OR51B5: variants seen among roughly 807,000 people sequenced by gnomAD.
OR51B5 encodes olfactory receptor family 51 subfamily B member 5, also known as olfactory receptor 51B5.
For missense variants in OR51B5, 456 were observed against 374.6 expected, an observed-to-expected ratio of 1.22 and a Z score of -1.79; for synonymous variants, 186 against 144.8, an observed-to-expected ratio of 1.28 and a Z score of -2.04.
chr11:5,423,094 C>T, intron 1 of OR51B5: 1 of 1,612,440 alleles, frequency 6.2e-7, no homozygotes, highest in Non-Finnish European at 8.5e-7. Flanking sequence ...GTGTAAAGAA[C>T]AAGCAGATCC....
chr11:5,390,070 G>A lies in OR51B5; in HGVS notation n.85-43160C>T, dbSNP rs772100766. 1.9e-6 allele frequency: 3 copies of A among 1,613,700 alleles called. No individual in the cohort carries two copies. The South Asian group carries it at 3.3e-5, about 18-fold the overall frequency. ...TTTTCACTGTGATGCTGGACCTGGTGCTCATCGCACTGTCCTATGGACTCA... is the reference window on the plus strand; with the variant it reads ...TTTTCACTGTGATGCTGGACCTGGTACTCATCGCACTGTCCTATGGACTCA... On this transcript the variant is annotated intron_variant and non_coding_transcript_variant, in intron 1 of 4. Coordinates refer to the OR51B5 transcript ENST00000415970.
intron 1 of OR51B5, among the ~76,000 whole-genome samples, chr11:5,485,976 C>T (rs1165957749): frequency 6.6e-6 from 1 of 151,936 alleles, no homozygotes; most frequent in African/African-American, 2.4e-5. Context: ...GGCTGTTGAC[C>T]TTTTAACAAG....
downstream of OR51B5, among the ~76,000 whole-genome samples, chr11:5,341,666 A>G (rs1848895396): frequency 6.6e-6 from 1 of 152,204 alleles, no homozygotes; most frequent in Admixed American, 6.5e-5. Context: ...ATCAGAATGT[A>G]TGTACAGAAA....
At position 5,501,814 on chromosome 11, in the gene OR51B5, C is replaced by T. The variant is rs542861956; in HGVS notation, n.84+3755G>A. 2.6e-4 allele frequency among the ~76,000 whole-genome samples: 38 copies of T among 148,188 alleles called. 3 individuals carry two copies. Among genetic ancestry groups the T allele is most frequent in the African/African-American group, 9.2e-4 (38 of 41,304 alleles). ...TAAGTTCTAGGGTACATGTGCACAA[C>T]GTGCAGGTTTGTTACATAGGTATAC... On this transcript the variant is annotated intron_variant and non_coding_transcript_variant, in intron 1 of 4. Transcript: ENST00000415970.
At chr11:5,399,006 G>C (rs961897589) in intron 1 of OR51B5, among the ~76,000 whole-genome samples, 2 of 152,168 alleles carry the variant, frequency 1.3e-5, no homozygotes, top group African/African-American at 4.8e-5. Flanking sequence ...ACAGTGTGAA[G>C]CCCTTAGCAT....
At chr11:5,505,369 T>G in intron 1 of OR51B5, 1 of 1,303,944 alleles carries the variant, frequency 7.7e-7, no homozygotes, top group South Asian at 1.2e-5. Flanking sequence ...CGGAAGAAAA[T>G]GGAGAGGCAA....
intron 1 of OR51B5, among the ~76,000 whole-genome samples, chr11:5,385,890 A>G (rs1319685049): frequency 1.3e-5 from 2 of 149,270 alleles, no homozygotes. Flanking sequence ...CTATACACTT[A>G]TATGTTATTT....
At chr11:5,446,353 G>T (rs1027939292) in intron 1 of OR51B5, among the ~76,000 whole-genome samples, 1 of 152,048 alleles carries the variant, frequency 6.6e-6, no homozygotes, top group South Asian at 2.1e-4. Flanking sequence ...TAGAATTTAG[G>T]TCATAAGTAT....
intron 1 of OR51B5, chr11:5,489,195 C>T: frequency 6.8e-7 from 1 of 1,468,584 alleles, no homozygotes; most frequent in South Asian, 1.5e-5. Flanking sequence ...CCCCCTTCAT[C>T]TTCTTGCTGA....
rs1849758032 is a variant in OR51B5, at chr11:5,389,575, CATT to C, written n.85-42668_85-42666del. The C allele has an allele frequency of 2.5e-6, 4 of 1,613,838 alleles. No individual in the cohort carries two copies. The South Asian group carries it at 4.4e-5, about 18-fold the overall frequency. On this transcript the variant is annotated intron_variant and non_coding_transcript_variant, in intron 1 of 4. Coordinates refer to the OR51B5 transcript ENST00000415970. ...TCTCAGGCAATTGTTTCATTCTGAT[CATT>C]ATTAAGACCAACCCTCGTCTGCACA...
intron 1 of OR51B5, among the ~76,000 whole-genome samples, chr11:5,488,041 T>C (rs1851521901): frequency 6.6e-6 from 1 of 152,210 alleles, no homozygotes; most frequent in Non-Finnish European, 1.5e-5. Flanking sequence ...CATTATATCA[T>C]TAATTTAAAA....
intron 1 of OR51B5, among the ~76,000 whole-genome samples, chr11:5,452,997 C>T (rs1276592483): frequency 6.6e-6 from 1 of 150,556 alleles, no homozygotes; most frequent in Non-Finnish European, 1.5e-5. Context: ...ACAAAACTTG[C>T]TCTGGGAAAG....
At chr11:5,360,689 C>T (rs1849269907) in intron 1 of OR51B5, among the ~76,000 whole-genome samples, 1 of 152,010 alleles carries the variant, frequency 6.6e-6, no homozygotes, top group South Asian at 2.1e-4. Context: ...GACACATGCA[C>T]ATGTATGTTT....
chr11:5,392,081 AC>A (rs1360540259), intron 1 of OR51B5: 1 of 152,128 alleles, frequency 6.6e-6, no homozygotes, highest in Non-Finnish European at 1.5e-5. Flanking sequence ...AGGAAAACAA[AC>A]AAAATTACAA....
chr11:5,404,205 T>C (rs531652216), intron 1 of OR51B5, among the ~76,000 whole-genome samples: 3 of 151,688 alleles, frequency 2.0e-5, no homozygotes, highest in Non-Finnish European at 4.4e-5. Context: ...AGAACTTTTC[T>C]GTCTAGCTAA....
chr11:5,449,599 C>T (rs930223926), intron 1 of OR51B5, among the ~76,000 whole-genome samples: 1 of 152,142 alleles, frequency 6.6e-6, no homozygotes, highest in African/African-American at 2.4e-5. Flanking sequence ...TTCATTGAGT[C>T]CTTACTTGCC....
intron 1 of OR51B5, among the ~76,000 whole-genome samples, chr11:5,435,223 A>G (rs564552020): frequency 1.2e-4 from 18 of 152,342 alleles, no homozygotes; most frequent in Admixed American, 8.5e-4. Flanking sequence ...TGGGGAGTTT[A>G]TCGCATCCCT....
intron 1 of OR51B5, among the ~76,000 whole-genome samples, chr11:5,382,410 A>C (rs920350192): frequency 2.0e-5 from 3 of 152,152 alleles, no homozygotes; most frequent in Non-Finnish European, 2.9e-5. Context: ...ATATTAATAT[A>C]ATTGCCATGT....
At chr11:5,472,259 T>G (rs1210213829) in intron 1 of OR51B5, among the ~76,000 whole-genome samples, 2 of 151,828 alleles carry the variant, frequency 1.3e-5, no homozygotes, top group African/African-American at 4.8e-5. Context: ...AAAATAAAAA[T>G]TACCTTAAAT....
Sources: gnomAD v4.1 joint callset for allele counts (sites outside exome capture counted in the v4.1 genomes callset) on GRCh38, gnomAD v4.1.1 for gene constraint, MANE v1.5 for transcripts, NCBI Gene and HGNC (gene_info 2026-07-23, HGNC 2026-07-21) for gene names.